FBN3: variants seen among roughly 807,000 people sequenced by gnomAD.
FBN3 encodes the protein fibrillin-3.
Under a neutral mutation model 330.1 loss-of-function variants are expected in FBN3, and 234 were observed. That is an observed-to-expected ratio of 0.71 (90% CI 0.64 to 0.79). The LOEUF is 0.79. FBN3 is among the 30% of genes least tolerant of loss of function. The pLI is 0.00. For missense variants in FBN3, 3,606 were observed against 3,886.9 expected (o/e 0.93, Z 1.92); for synonymous variants, 1,458 against 1,517.3 (o/e 0.96, Z 0.91).
chr19:8,130,393 C>G (rs2083095732), intron 16 of FBN3, among the ~76,000 whole-genome samples: 2 of 147,148 alleles, frequency 1.4e-5, no homozygotes, highest in African/African-American at 5.0e-5. Context: ...TGCCTGTAAT[C>G]CCAGCTATTT....
chr19:8,113,841 CAAAA>C (rs34470005), intron 30 of FBN3, among the ~76,000 whole-genome samples: 1 of 117,874 alleles, frequency 8.5e-6, no homozygotes, highest in African/African-American at 3.2e-5. Flanking sequence ...ACTATCTCTA[CAAAA>C]AAAAAAAAAA....
At chr19:8,132,223 T>G (rs1028576598) in intron 14 of FBN3, among the ~76,000 whole-genome samples, 1 of 151,828 alleles carries the variant, frequency 6.6e-6, no homozygotes, top group East Asian at 1.9e-4. Context: ...TTTTTAAAAA[T>G]TTTTTATAGA....
chr19:8,082,867 G>T (rs1039152889), intron 57 of FBN3, among the ~76,000 whole-genome samples: 1 of 116,728 alleles, frequency 8.6e-6, no homozygotes. Flanking sequence ...CTGTCACCCA[G>T]GCTGGACTGC....
rs953702832 is a variant in FBN3, at chr19:8,085,669, G to A, written c.6881-100C>T. 6 of 905,288 alleles carry A rather than the reference G, an allele frequency of 6.6e-6. No homozygotes were observed. In the Admixed American group the frequency reaches 9.4e-5, roughly 14 times the overall value. 56.1% of individuals were successfully genotyped at this position (905,288 alleles called of 1,614,324 possible). A position where few individuals can be genotyped will look rare whatever the true frequency, so the allele number is the denominator to read the frequency against. On this transcript the variant is annotated intron_variant, in intron 55 of 63. Transcript: ENST00000600128. The stretch of plus-strand genomic sequence containing the variant: ...GGCAAGCTGTATTTTGGGGGTGTTG[G>A]GGACAGGGGTGTCCAGGAGGGAGTT...
At chr19:8,072,964 C>A in intron 62 of FBN3, 99 bp downstream of exon 62, 2 of 716,968 alleles carry the variant, frequency 2.8e-6, no homozygotes, top group Non-Finnish European at 4.2e-6. Flanking sequence ...TGCACAAAGC[C>A]CCGTGTGTGT....
intron 37 of FBN3, among the ~76,000 whole-genome samples, chr19:8,107,752 G>A (rs558010333): frequency 6.7e-6 from 1 of 150,338 alleles, no homozygotes; most frequent in Non-Finnish European, 1.5e-5. Flanking sequence ...AATGGATGGA[G>A]GATGGCTGGA....
chr19:8,117,339 A>T (rs1354034325), intron 27 of FBN3, 48 bp from the exon 28 acceptor site: 5 of 1,065,214 alleles, frequency 4.7e-6, no homozygotes, highest in Non-Finnish European at 5.4e-6. Context: ...GGAGGGGTCC[A>T]GGATGGGGAG....
chr19:8,107,046 A>G (rs1368039294), intron 37 of FBN3, among the ~76,000 whole-genome samples: 1 of 148,758 alleles, frequency 6.7e-6, no homozygotes, highest in Non-Finnish European at 1.5e-5. Context: ...ATGGATGGAT[A>G]CAAGGATAGC....
At chr19:8,114,082 A>G (rs759182148) in intron 30 of FBN3, among the ~76,000 whole-genome samples, 7 of 152,064 alleles carry the variant, frequency 4.6e-5, no homozygotes, top group Non-Finnish European at 8.8e-5. Flanking sequence ...GAAGATGGAG[A>G]CAGAGACTGG....
At chr19:8,135,917 G>A in intron 13 of FBN3, 44 bp downstream of exon 13, 1 of 1,414,954 alleles carries the variant, frequency 7.1e-7, no homozygotes, top group Non-Finnish European at 9.7e-7. Context: ...AAGGCAGCTA[G>A]TGGGGCCCGG....
intron 38 of FBN3, among the ~76,000 whole-genome samples, chr19:8,104,429 C>T (rs2082395244): frequency 6.6e-6 from 1 of 151,016 alleles, no homozygotes; most frequent in Non-Finnish European, 1.5e-5. Context: ...TGTGATTACA[C>T]CACTGCACTC....
intron 37 of FBN3, among the ~76,000 whole-genome samples, chr19:8,107,018 G>A (rs1452454011): frequency 1.3e-5 from 2 of 151,210 alleles, no homozygotes; most frequent in East Asian, 2.0e-4. Context: ...GAAGGATGGG[G>A]GGTGGATGGA....
Position 8,073,198 on chromosome 19 carries a change from A to G in FBN3, c.7802T>C (p.Phe2601Ser). 2 of 1,614,030 alleles carry G rather than the reference A, an allele frequency of 1.2e-6. No individual in the cohort carries two copies. The highest frequency in any genetic ancestry group is 1.7e-6 in the Non-Finnish European group (2 of 1,179,986). The change falls in exon 62 of 64, where the codon TTT (phenylalanine) becomes TCT (serine). Residue 2601 changes from phenylalanine to serine, a missense_variant. Transcript: ENST00000600128. ...CTGGCAGCCCCCGAGGGCCTGATCA[A>G]AGTCAAAGCCAGAGGGGCAGACGCA... ...FRCVCPSGFD[F>S]DQALGGCQEV...
chr19:8,066,119 C>T lies in FBN3; in HGVS notation c.8230G>A (p.Gly2744Arg), dbSNP rs34941422. The T allele has an allele frequency of 6.1e-4, 984 of 1,613,538 alleles. 2 individuals carry two copies. The African/African-American group carries it at 8.3e-3, about 14-fold the overall frequency. The part of the protein sequence containing the change: ...EGRIRYVIVR[G>R]NEQGFFRMHH... ...ATGCGAAAGAAACCTTGCTCGTTTC[C>T]GCGGACGATGACGTAGCGGATCCGG... Residue 2744 changes from glycine to arginine, a missense_variant, in exon 64 of 64, where the codon GGA becomes AGA. By Grantham distance (125) the Gly-to-Arg change is moderately radical. Coordinates refer to ENST00000600128, the MANE Select transcript of FBN3 (RefSeq NM_032447.5).
intron 4 of FBN3, 41 bp downstream of exon 4, chr19:8,146,086 G>T: frequency 6.5e-7 from 1 of 1,545,876 alleles, no homozygotes; most frequent in South Asian, 1.2e-5. Context: ...AGAACCCTGT[G>T]AACTTCTTCT....
intron 6 of FBN3, among the ~76,000 whole-genome samples, chr19:8,142,759 C>T (rs2083443343): frequency 6.6e-6 from 1 of 152,016 alleles, no homozygotes; most frequent in Non-Finnish European, 1.5e-5. Context: ...AAACTCACCC[C>T]CAACTCAGGC....
chr19:8,086,412 C>A (rs1017691002), intron 54 of FBN3, 87 bp from the exon 55 acceptor site: 43 of 686,790 alleles, frequency 6.3e-5, no homozygotes, highest in Admixed American at 5.0e-4. Flanking sequence ...TTTGGATCTG[C>A]CCAGGCCCTC....
chr19:8,142,212 C>T lies in FBN3; in HGVS notation c.542-75G>A, dbSNP rs1453116163. On this transcript the variant is annotated intron_variant, in intron 6 of 63. Coordinates refer to ENST00000600128, the MANE Select transcript of FBN3 (RefSeq NM_032447.5). The stretch of plus-strand genomic sequence containing the variant: ...GAGATCTCTGCGTCTCTAACACCTT[C>T]TCAGCGGCCCCTGCACCCACAGACC... 3 of 1,203,158 alleles carry T rather than the reference C, an allele frequency of 2.5e-6. No individual in the cohort carries two copies. In the Admixed American group the frequency reaches 6.3e-5, roughly 25 times the overall value. 74.5% of individuals were successfully genotyped at this position (1,203,158 alleles called of 1,614,324 possible).
At position 8,086,309 on chromosome 19, in the gene FBN3, G is replaced by C. The variant is rs753316502; in HGVS notation, c.6771C>G (p.His2257Gln). Reference sequence around the variant, plus strand: ...CGTTGACACAGAGGTCAGGCTGAGCGTGGCATTCATTGTCATCTGAGATGG... The same window carrying C: ...CGTTGACACAGAGGTCAGGCTGAGCCTGGCATTCATTGTCATCTGAGATGG... ...GEGCTDDNEC[H>Q]AQPDLCVNGR... Residue 2257 changes from histidine to glutamine, a missense_variant, in exon 55 of 64, where the codon CAC becomes CAG. Transcript: ENST00000600128. The C allele has an allele frequency of 1.1e-5, 18 of 1,608,370 alleles. No homozygotes were observed. The highest frequency in any genetic ancestry group is 1.7e-4 in the Middle Eastern group (1 of 6,042).
Sources: gnomAD v4.1 joint callset for allele counts (sites outside exome capture counted in the v4.1 genomes callset) on GRCh38, gnomAD v4.1.1 for gene constraint, MANE v1.5 for transcripts, NCBI Gene and HGNC (gene_info 2026-07-23, HGNC 2026-07-21) for gene names.